Variants in NCOA2 observed in about 807,000 individuals in gnomAD.
The protein encoded by NCOA2 is class E basic helix-loop-helix protein 75.
In NCOA2, 21 loss-of-function variants were observed where a neutral mutation model predicts 145.1. That is an observed-to-expected ratio of 0.14 (90% CI 0.10 to 0.21). NCOA2 has a LOEUF of 0.21. NCOA2 is among the 10% of genes least tolerant of loss of function. The pLI is 1.00. For synonymous variants in NCOA2, 619 were observed against 637.5 expected, an observed-to-expected ratio of 0.97 and a Z score of 0.44; for missense variants, 1,472 against 1,837.6, an observed-to-expected ratio of 0.80 and a Z score of 3.64.
chr8:70,397,398 A>C (rs1813770206), intron 1 of NCOA2, among the ~76,000 whole-genome samples: 1 of 151,374 alleles, frequency 6.6e-6, no homozygotes, highest in African/African-American at 2.4e-5. Flanking sequence ...GGTTGCAGTG[A>C]GCTGAGATCA....
chr8:70,189,908 C>T (rs146684987), intron 4 of NCOA2, among the ~76,000 whole-genome samples: 8 of 152,280 alleles, frequency 5.3e-5, no homozygotes, highest in African/African-American at 1.9e-4. Context: ...GTATAGGAAA[C>T]AGCATTGATC....
intron 2 of NCOA2, among the ~76,000 whole-genome samples, chr8:70,225,979 G>A (rs550190866): frequency 7.2e-4 from 109 of 152,170 alleles, no homozygotes; most frequent in African/African-American, 2.4e-3. Context: ...AGAGCAGCTG[G>A]CATATAGTAA....
intron 4 of NCOA2, among the ~76,000 whole-genome samples, chr8:70,183,578 C>G (rs935962995): frequency 6.6e-6 from 1 of 152,194 alleles, no homozygotes; most frequent in African/African-American, 2.4e-5. Context: ...TATTTAGTAT[C>G]TGTCTCCCCC....
chr8:70,126,232 T>C (rs980134044), intron 19 of NCOA2, among the ~76,000 whole-genome samples: 2 of 152,182 alleles, frequency 1.3e-5, no homozygotes, highest in African/African-American at 4.8e-5. Flanking sequence ...CATTACACAC[T>C]TGGTATCTCT....
At chr8:70,280,822 T>C (rs1825815022) in intron 2 of NCOA2, among the ~76,000 whole-genome samples, 1 of 152,082 alleles carries the variant, frequency 6.6e-6, no homozygotes, top group East Asian at 1.9e-4. Context: ...ATTCTACCCC[T>C]TACTTCCAGG....
In NCOA2 at chr8:70,332,089, C is replaced by T. The variant is rs1470270729; in HGVS notation, c.-76-35289G>A. ...TAAGACTTGTAAATCAACTATTTTA[C>T]TAAAAACAAAAGTATATAGTAAACA... is the stretch of plus-strand genomic sequence containing the variant. On this transcript the variant is annotated intron_variant, in intron 1 of 22. Transcript: ENST00000452400. 2.0e-5 allele frequency among the ~76,000 whole-genome samples: 3 copies of T among 152,128 alleles called. No homozygotes were observed. The East Asian group carries it at 5.8e-4, about 29-fold the overall frequency.
intron 9 of NCOA2, 44 bp from the exon 10 acceptor site, chr8:70,159,696 A>G: frequency 6.4e-7 from 1 of 1,572,802 alleles, no homozygotes; most frequent in Admixed American, 1.8e-5. Context: ...AGAAAAAAAA[A>G]TTGAGGGGTC....
chr8:70,383,805 T>C (rs1812426496), intron 1 of NCOA2, among the ~76,000 whole-genome samples: 1 of 152,202 alleles, frequency 6.6e-6, no homozygotes, highest in South Asian at 2.1e-4. Flanking sequence ...GTGCCTGGCC[T>C]AGAAATTTTC....
intron 4 of NCOA2, among the ~76,000 whole-genome samples, chr8:70,194,988 T>G (rs1817117814): frequency 6.6e-6 from 1 of 152,196 alleles, no homozygotes; most frequent in African/African-American, 2.4e-5. Context: ...ACTTATTAGC[T>G]GTGTGACTCT....
Position 70,303,264 on chromosome 8 carries a change from T to G in NCOA2, c.-76-6464A>C, listed in dbSNP as rs557247152. On this transcript the variant is annotated intron_variant, in intron 1 of 22. Transcript: ENST00000452400. ...AGGATGGGAGACTGGAACTAAGTCTTGAGGAACTTCTACAGGTAAAAACTA... is the reference window on the plus strand; with the variant it reads ...AGGATGGGAGACTGGAACTAAGTCTGGAGGAACTTCTACAGGTAAAAACTA... Among the ~76,000 whole-genome samples the G allele has an allele frequency of 3.3e-5, 5 of 152,218 alleles. No homozygotes were observed. In the South Asian group the frequency reaches 1.0e-3, roughly 32 times the overall value.
At chr8:70,222,944 A>T (rs1213596452) in intron 2 of NCOA2, among the ~76,000 whole-genome samples, 1 of 152,212 alleles carries the variant, frequency 6.6e-6, no homozygotes, top group Non-Finnish European at 1.5e-5. Flanking sequence ...CTCATAGGCC[A>T]AGTTCCTTAA....
the NCOA2 span, among the ~76,000 whole-genome samples, chr8:70,455,185 AC>A: frequency 1.3e-5 from 2 of 152,232 alleles, no homozygotes; most frequent in Admixed American, 1.3e-4. Context: ...GTTAAGAGTT[AC>A]GGATGTTTCC....
intron 1 of NCOA2, among the ~76,000 whole-genome samples, chr8:70,318,683 T>A (rs1805808381): frequency 6.6e-6 from 1 of 152,078 alleles, no homozygotes; most frequent in South Asian, 2.1e-4. Flanking sequence ...GAGGATCATT[T>A]GAGCCCAGGA....
chr8:70,335,629 A>G (rs898584910), intron 1 of NCOA2, among the ~76,000 whole-genome samples: 10 of 151,936 alleles, frequency 6.6e-5, no homozygotes, highest in African/African-American at 2.4e-4. Context: ...CCTGGCAACC[A>G]CTCTTCTATC....
intron 22 of NCOA2, among the ~76,000 whole-genome samples, chr8:70,113,882 G>A (rs961874756): frequency 2.6e-5 from 4 of 152,108 alleles, no homozygotes; most frequent in South Asian, 4.1e-4. Context: ...GCTATTTCTC[G>A]CAGGCCATCG....
chr8:70,159,242 A>ATATATATATTTTTTTTT, intron 10 of NCOA2, among the ~76,000 whole-genome samples: 1 of 61,076 alleles, frequency 1.6e-5, no homozygotes, highest in African/African-American at 5.4e-5. Context: ...ATATATATAT[A>ATATATATATTTTTTTTT]TTTTTTTTTT....
intron 2 of NCOA2, among the ~76,000 whole-genome samples, chr8:70,224,217 A>C (rs1257172254): frequency 2.0e-5 from 3 of 152,206 alleles, no homozygotes; most frequent in African/African-American, 4.8e-5. Flanking sequence ...GTTATTACTG[A>C]ATTTATTATG....
At chr8:70,319,419 A>G (rs551047958) in intron 1 of NCOA2, among the ~76,000 whole-genome samples, 7 of 151,938 alleles carry the variant, frequency 4.6e-5, no homozygotes, top group Non-Finnish European at 7.4e-5. Flanking sequence ...GTGTAGGACC[A>G]TGGTCTCAGC....
At chr8:70,194,835 T>C (rs716478) in intron 4 of NCOA2, among the ~76,000 whole-genome samples, 3,454 of 152,220 alleles carry the variant, frequency 0.023, 129 homozygotes, top group African/African-American at 0.079. Context: ...GCTTACCCAA[T>C]TGACTCCTAA....
Sources: gnomAD v4.1 joint callset for allele counts (sites outside exome capture counted in the v4.1 genomes callset) on GRCh38, gnomAD v4.1.1 for gene constraint, MANE v1.5 for transcripts, NCBI Gene and HGNC (gene_info 2026-07-23, HGNC 2026-07-21) for gene names.